STK24: variants seen among roughly 807,000 people sequenced by gnomAD.
STK24 encodes the protein serine/threonine-protein kinase 24.
Under a neutral mutation model 55.6 loss-of-function variants are expected in STK24, and 21 were observed. That is an observed-to-expected ratio of 0.38 (90% CI 0.27 to 0.54). The LOEUF (loss-of-function observed/expected upper bound fraction) is 0.54. Ranked by LOEUF, STK24 falls within the 20% of genes least tolerant of loss-of-function variation. STK24 has a pLI of 0.79. For missense variants in STK24, 383 were observed against 538.4 expected (o/e 0.71, Z 2.86); for synonymous variants, 200 against 215.2 (o/e 0.93, Z 0.62).
intron 10 of STK24, 83 bp from the exon 11 acceptor site, chr13:98,453,292 G>T: frequency 7.1e-7 from 1 of 1,401,046 alleles, no homozygotes; most frequent in East Asian, 2.4e-5. Context: ...CAAAATCTTA[G>T]TTTTCATAAG....
At chr13:98,565,009 A>C (rs1205949306) in intron 1 of STK24, among the ~76,000 whole-genome samples, 1 of 152,122 alleles carries the variant, frequency 6.6e-6, no homozygotes, top group Non-Finnish European at 1.5e-5. Context: ...TCAATTCCCA[A>C]AGTTAGGTCA....
Position 98,463,684 on chromosome 13 carries a change from G to C in STK24, c.929+7C>G. The C allele has an allele frequency of 6.2e-7, 1 of 1,612,738 alleles. No individual in the cohort carries two copies. Among genetic ancestry groups the C allele is most frequent in the South Asian group, 1.1e-5 (1 of 90,966 alleles). ...CACATGCTTGGGTCACTCAGGGGCC[G>C]ACTTACGCGTCGGAATCCTCGGAGC... On this transcript the variant is annotated splice_region_variant and intron_variant, in intron 7 of 10. Transcript: ENST00000539966.
At chr13:98,470,649 C>A (rs920916855) in intron 5 of STK24, among the ~76,000 whole-genome samples, 4 of 152,200 alleles carry the variant, frequency 2.6e-5, no homozygotes, top group Admixed American at 1.3e-4. Context: ...CTGGGGCATG[C>A]TCCTGAGTGA....
intron 1 of STK24, among the ~76,000 whole-genome samples, chr13:98,525,920 A>T (rs1324727722): frequency 1.3e-5 from 2 of 152,336 alleles, no homozygotes; most frequent in African/African-American, 2.4e-5. Context: ...CCAATTCCCT[A>T]AAATCCCCCC....
chr13:98,451,972 GA>G lies in STK24; in HGVS notation c.*1200del, dbSNP rs1270992155. ...CAACCTCCAACTGCATCATCTCGGT[GA>G]GCAAGTGCGCAAGCAGTCCAGGGCG... On this transcript the variant is annotated 3_prime_UTR_variant, in exon 11 of 11. Transcript: ENST00000539966. The G allele has an allele frequency of 6.6e-6, 1 of 152,198 alleles. No homozygotes were observed. Among genetic ancestry groups the G allele is most frequent in the Admixed American group, 6.5e-5 (1 of 15,272 alleles). 9.4% of individuals were successfully genotyped at this position (152,198 alleles called of 1,614,324 possible). A position where few individuals can be genotyped will look rare whatever the true frequency, so the allele number is the denominator to read the frequency against.
In STK24 at chr13:98,463,693, G is replaced by A. The variant is rs761940289; in HGVS notation, c.927C>T (p.Asp309=). ...GGGTCACTCAGGGGCCGACTTACGC[G>A]TCGGAATCCTCGGAGCTCGAGTCGT... is the stretch of plus-strand genomic sequence containing the variant. ...SHDDSSSEDS[D]AETDGQASGG... is the part of the protein sequence containing the mutation. Residue 309 remains aspartate (D), a splice_region_variant and synonymous_variant, in exon 7 of 11, where the codon GAC becomes GAT. Transcript: ENST00000539966. The A allele has an allele frequency of 2.1e-4, 337 of 1,613,372 alleles. 1 individual carries two copies. Among genetic ancestry groups the A allele is most frequent in the Non-Finnish European group, 2.6e-4 (312 of 1,179,590 alleles).
intron 1 of STK24, among the ~76,000 whole-genome samples, chr13:98,556,531 CAACAAA>C (rs1197220302): frequency 2.6e-5 from 4 of 151,914 alleles, no homozygotes; most frequent in African/African-American, 9.7e-5. Context: ...AAAACAACAA[CAACAAA>C]AAAATCACTG....
Position 98,446,425 on chromosome 13 carries a change from C to T in STK24, c.*6748G>A, listed in dbSNP as rs985921820. 1.5e-5 allele frequency: 9 copies of T among 602,166 alleles called. No homozygotes were observed. In the Admixed American group the frequency reaches 2.7e-4, roughly 18 times the overall value. 37.3% of individuals were successfully genotyped at this position (602,166 alleles called of 1,614,324 possible). A position where few individuals can be genotyped will look rare whatever the true frequency, so the allele number is the denominator to read the frequency against. On this transcript the variant is annotated 3_prime_UTR_variant, in exon 11 of 11. Coordinates refer to ENST00000539966, the MANE Select transcript of STK24 (RefSeq NM_001032296.4). The stretch of plus-strand genomic sequence containing the variant: ...GGACAACTTCTGCCCTAGGAAGGGC[C>T]ACCTGTCTTCTGCCTGGACAAGGGA...
At chr13:98,536,066 G>A (rs1380443127) in intron 1 of STK24, among the ~76,000 whole-genome samples, 1 of 152,198 alleles carries the variant, frequency 6.6e-6, no homozygotes, top group East Asian at 1.9e-4. Flanking sequence ...GGCCTCGAAG[G>A]GGAAATTCCT....
At chr13:98,554,196 AG>A (rs767016533) in intron 1 of STK24, among the ~76,000 whole-genome samples, 2 of 152,220 alleles carry the variant, frequency 1.3e-5, no homozygotes, top group Non-Finnish European at 2.9e-5. Flanking sequence ...CTCCCTTTAA[AG>A]AAAAAAACTG....
chr13:98,551,910 G>A (rs1459585996), intron 1 of STK24, among the ~76,000 whole-genome samples: 2 of 152,154 alleles, frequency 1.3e-5, no homozygotes, highest in African/African-American at 4.8e-5. Flanking sequence ...GCACTTAAGT[G>A]CTGCAGAAAT....
At chr13:98,576,366 G>T (rs1432377288) in intron 1 of STK24, 2 of 328,836 alleles carry the variant, frequency 6.1e-6, no homozygotes, top group African/African-American at 2.2e-5. Flanking sequence ...ACCACGCAGG[G>T]CCCCGGGACC....
Position 98,445,882 on chromosome 13 carries a change from C to T in STK24, c.*7291G>A. 2 of 514,626 alleles carry T rather than the reference C, an allele frequency of 3.9e-6. No homozygotes were observed. Among genetic ancestry groups the T allele is most frequent in the South Asian group, 2.3e-5 (1 of 42,750 alleles). The allele number at this position is 514,626 out of a possible 1,614,324, so 31.9% of individuals were successfully genotyped here. ...GTGTCTTTTGGGGGGACACAGGGACCCCAAGATGCCCCACAGCAAGTGACA... is the reference window on the plus strand; with the variant it reads ...GTGTCTTTTGGGGGGACACAGGGACTCCAAGATGCCCCACAGCAAGTGACA... On this transcript the variant is annotated 3_prime_UTR_variant, in exon 11 of 11. Transcript: ENST00000539966.
chr13:98,482,371 AATTT>A, intron 2 of STK24, 50 bp from the exon 3 acceptor site: 1 of 1,145,872 alleles, frequency 8.7e-7, no homozygotes, highest in South Asian at 1.4e-5. Flanking sequence ...AATCCAGGAA[AATTT>A]TTTTTAATAA....
chr13:98,547,753 T>C (rs1373929342), intron 1 of STK24, among the ~76,000 whole-genome samples: 1 of 152,214 alleles, frequency 6.6e-6, no homozygotes, highest in African/African-American at 2.4e-5. Context: ...CAGCCATCAA[T>C]TTAGTAAACT....
intron 1 of STK24, among the ~76,000 whole-genome samples, chr13:98,540,619 C>G (rs557176032): frequency 4.6e-5 from 7 of 152,248 alleles, no homozygotes; most frequent in African/African-American, 1.4e-4. Flanking sequence ...ACTCCTCCAC[C>G]TAACTGATCC....
At chr13:98,546,821 A>G (rs1310668324) in intron 1 of STK24, among the ~76,000 whole-genome samples, 1 of 152,044 alleles carries the variant, frequency 6.6e-6, no homozygotes, top group Non-Finnish European at 1.5e-5. Context: ...TGTGTTTGTC[A>G]TGTGGACTCC....
chr13:98,518,091 T>G (rs1896129378), intron 2 of STK24, among the ~76,000 whole-genome samples: 2 of 152,172 alleles, frequency 1.3e-5, no homozygotes, highest in Non-Finnish European at 2.9e-5. Context: ...CTGTGACACC[T>G]GACTCCAAAA....
chr13:98,566,424 A>G (rs1450595085), intron 1 of STK24, among the ~76,000 whole-genome samples: 1 of 152,166 alleles, frequency 6.6e-6, no homozygotes, highest in Non-Finnish European at 1.5e-5. Flanking sequence ...AAAAGAACAC[A>G]CATGCTGGCC....
Sources: gnomAD v4.1 joint callset for allele counts (sites outside exome capture counted in the v4.1 genomes callset) on GRCh38, gnomAD v4.1.1 for gene constraint, MANE v1.5 for transcripts, NCBI Gene and HGNC (gene_info 2026-07-23, HGNC 2026-07-21) for gene names.